Variants in PXYLP1 observed in about 807,000 individuals in gnomAD.
The protein encoded by PXYLP1 is 2-phosphoxylose phosphatase 1.
A neutral mutation model predicts 37.9 loss-of-function variants in PXYLP1; 17 were observed. The ratio of observed to expected loss-of-function variants is 0.45; its 90% CI spans 0.31 to 0.67. The LOEUF (loss-of-function observed/expected upper bound fraction) is 0.67. Ranked by LOEUF, PXYLP1 falls within the 30% of genes least tolerant of loss-of-function variation. PXYLP1 has a pLI of 0.07. For synonymous variants in PXYLP1, 221 were observed against 232.2 expected (o/e 0.95, Z 0.44); for missense variants, 511 against 612.0 (o/e 0.84, Z 1.74).
intron 2 of PXYLP1, chr3:141,273,659 C>T: frequency 2.0e-6 from 2 of 985,316 alleles, no homozygotes; most frequent in African/African-American, 3.5e-5. Context: ...GAAATTGAGA[C>T]CTTGTCGGCA....
rs776662176 is a variant in PXYLP1, at chr3:141,292,342, G to T, written c.580G>T (p.Asp194Tyr). Residue 194 changes from aspartate to tyrosine, a missense_variant, in exon 6 of 6, where the codon GAT becomes TAT. Asp to Tyr is a radical substitution (Grantham distance 160). Transcript: ENST00000286353. The surrounding 1 kb of genome is among the most constrained non-coding windows in gnomAD (Gnocchi z 4.3). ...AAAGAAACACAAACTCCTGCCCAAT[G>T]ATTGGTCTGCAGACCAGCTCTATTT... ...YLKKHKLLPN[D>Y]WSADQLYLET... The T allele has an allele frequency of 1.9e-6, 3 of 1,613,994 alleles. No homozygotes were observed. Among genetic ancestry groups the T allele is most frequent in the East Asian group, 2.2e-5 (1 of 44,880 alleles).
intron 1 of PXYLP1, among the ~76,000 whole-genome samples, chr3:141,248,554 CACACGTGTATATATAT>C (rs1275094548): frequency 7.6e-5 from 11 of 144,822 alleles, no homozygotes; most frequent in African/African-American, 2.9e-4. Flanking sequence ...CGTATATATA[CACACGTGTATATATAT>C]ACACACATGT....
At chr3:141,274,865 T>C (rs1267545942) in intron 2 of PXYLP1, among the ~76,000 whole-genome samples, 1 of 152,132 alleles carries the variant, frequency 6.6e-6, no homozygotes, top group East Asian at 1.9e-4. Flanking sequence ...AGTTACAGTG[T>C]TGGTCAGATT....
intron 4 of PXYLP1, among the ~76,000 whole-genome samples, chr3:141,280,008 AT>A (rs1253625154): frequency 6.6e-6 from 1 of 152,194 alleles, no homozygotes; most frequent in Non-Finnish European, 1.5e-5. Context: ...CACCCTTCTA[AT>A]TTTTCACTGG....
At chr3:141,245,876 A>G (rs1940923031) in intron 1 of PXYLP1, among the ~76,000 whole-genome samples, 1 of 152,198 alleles carries the variant, frequency 6.6e-6, no homozygotes, top group African/African-American at 2.4e-5. Context: ...TGAAAAGTAC[A>G]CAGCTTTGCT....
intron 1 of PXYLP1, among the ~76,000 whole-genome samples, chr3:141,248,921 T>TGTGTG (rs1559882135): frequency 6.6e-6 from 1 of 150,706 alleles, no homozygotes; most frequent in African/African-American, 2.5e-5. Context: ...TGTGTGTGTG[T>TGTGTG]TTTGAGAGCT....
Position 141,293,048 on chromosome 3 carries a change from C to T in PXYLP1, c.1286C>T (p.Thr429Ile). 6 of 1,614,242 alleles carry T rather than the reference C, an allele frequency of 3.7e-6. No homozygotes were observed. The highest frequency in any genetic ancestry group is 5.1e-6 in the Non-Finnish European group (6 of 1,180,044). ...ATTCTTTACAATGGCGTCGATGTCA[C>T]ATTCCACACCTCTTTCTGCCAAGAC... ...VRILYNGVDV[T>I]FHTSFCQDHH... The change falls in exon 6 of 6, where the codon ACA becomes ATA. Residue 429 changes from threonine (T) to isoleucine (I), a missense_variant. Physicochemically the swap from Thr to Ile is moderately conservative, Grantham distance 89. Coordinates refer to ENST00000286353, the MANE Select transcript of PXYLP1 (RefSeq NM_001037172.3).
intron 2 of PXYLP1, chr3:141,262,768 T>C: frequency 7.5e-7 from 1 of 1,334,496 alleles, no homozygotes; most frequent in Non-Finnish European, 1.0e-6. Context: ...AGAAGTGAGT[T>C]TAATTGCTCC....
chr3:141,236,763 T>C (rs886160518), intron 1 of PXYLP1, among the ~76,000 whole-genome samples: 4 of 152,220 alleles, frequency 2.6e-5, no homozygotes, highest in African/African-American at 9.6e-5. Context: ...AAAGTGGCAG[T>C]TGGATTACCG....
At chr3:141,235,989 G>A (rs1431665291) in intron 1 of PXYLP1, among the ~76,000 whole-genome samples, 1 of 152,218 alleles carries the variant, frequency 6.6e-6, no homozygotes, top group Non-Finnish European at 1.5e-5. Context: ...CAGGAGTCTG[G>A]AAGAAGTTAA....
chr3:141,234,847 C>G (rs1940621003), intron 1 of PXYLP1: 1 of 152,238 alleles, frequency 6.6e-6, no homozygotes, highest in Admixed American at 6.5e-5. Context: ...CTGGCTGTCA[C>G]GAACTTATCT....
In PXYLP1 at chr3:141,231,836, C is replaced by T. The variant is rs1940515237; in HGVS notation, c.-129C>T. 6.6e-6 allele frequency: 1 copy of T among 150,564 alleles called. No homozygotes were observed. The highest frequency in any genetic ancestry group is 2.4e-5 in the African/African-American group (1 of 41,228). The allele number at this position is 150,564 out of a possible 1,614,324, so 9.3% of individuals were successfully genotyped here. Reference sequence around the variant, plus strand: ...TGCGCGCCGCCCTCGCCTCCCCTCGCGCCGGGAGGAGCTGGCGGCGAGCGC... The same window carrying T: ...TGCGCGCCGCCCTCGCCTCCCCTCGTGCCGGGAGGAGCTGGCGGCGAGCGC... On this transcript the variant is annotated 5_prime_UTR_variant, in exon 1 of 6. Coordinates refer to ENST00000286353, the MANE Select transcript of PXYLP1 (RefSeq NM_001037172.3). This position sits in a 1 kb window ranked among gnomAD's most constrained non-coding sequence, Gnocchi z 4.4.
In PXYLP1 at chr3:141,260,137, T is replaced by A; in HGVS notation, c.-39T>A. On this transcript the variant is annotated 5_prime_UTR_variant, in exon 2 of 6. In the 5' UTR this introduces an upstream ATG that the reference lacks. Coordinates refer to ENST00000286353, the MANE Select transcript of PXYLP1 (RefSeq NM_001037172.3). Reference sequence around the variant, plus strand: ...TTTATTCACAGGACATGTTCCCGATTTGAGGTGAAACCATGAAGAGAAAAT... The same window carrying A: ...TTTATTCACAGGACATGTTCCCGATATGAGGTGAAACCATGAAGAGAAAAT... 1 of 1,611,122 alleles carries A rather than the reference T, an allele frequency of 6.2e-7. No individual in the cohort carries two copies. The highest frequency in any genetic ancestry group is 8.5e-7 in the Non-Finnish European group (1 of 1,177,630).
chr3:141,239,936 A>G (rs1007207593), intron 1 of PXYLP1, among the ~76,000 whole-genome samples: 3 of 152,250 alleles, frequency 2.0e-5, no homozygotes, highest in Non-Finnish European at 2.9e-5. Context: ...ACAGGCCTCA[A>G]TAAAAGTTGG....
In PXYLP1 at chr3:141,292,052, G is replaced by C. The variant is rs1019154649; in HGVS notation, c.506-216G>C. Among the ~76,000 whole-genome samples the C allele has an allele frequency of 2.6e-5, 4 of 152,234 alleles. No homozygotes were observed. The highest frequency in any genetic ancestry group is 9.6e-5 in the African/African-American group (4 of 41,466). On this transcript the variant is annotated intron_variant, in intron 5 of 5. Transcript: ENST00000286353. This position sits in a 1 kb window ranked among gnomAD's most constrained non-coding sequence, Gnocchi z 4.3. ...CCAAAGGCCGTGGTTCTCAAGGCCA[G>C]GGCCCCGCTCTGCTCATCCTTCATG...
intron 4 of PXYLP1, among the ~76,000 whole-genome samples, chr3:141,280,670 C>A (rs78019878): frequency 1.6e-3 from 240 of 152,230 alleles, no homozygotes; most frequent in African/African-American, 5.5e-3. Context: ...GTGAAGGGGA[C>A]CCTCTCTAGG....
Position 141,239,012 on chromosome 3 carries a change from G to A in PXYLP1, c.-54+7101G>A, listed in dbSNP as rs540584698. Among the ~76,000 whole-genome samples the A allele has an allele frequency of 6.0e-5, 9 of 151,098 alleles. No individual in the cohort carries two copies. In the South Asian group the frequency reaches 6.3e-4, roughly 11 times the overall value. ...AAGTCGACCTGCTCAGTTCAAATCC[G>A]TGTTGTTCAAGGGTAGACCTATGTC... On this transcript the variant is annotated intron_variant, in intron 1 of 5. Coordinates refer to ENST00000286353, the MANE Select transcript of PXYLP1 (RefSeq NM_001037172.3).
intron 2 of PXYLP1, among the ~76,000 whole-genome samples, chr3:141,277,862 T>G (rs1941835510): frequency 1.3e-5 from 2 of 152,188 alleles, no homozygotes; most frequent in Non-Finnish European, 2.9e-5. Flanking sequence ...TTCTGTAAAG[T>G]GCTCTCATGG....
intron 2 of PXYLP1, among the ~76,000 whole-genome samples, chr3:141,276,391 T>C (rs992936267): frequency 6.6e-6 from 1 of 152,222 alleles, no homozygotes; most frequent in Non-Finnish European, 1.5e-5. Context: ...CCCTGTATAT[T>C]TATGCATTTA....
Sources: allele counts gnomAD v4.1 joint callset (sites outside exome capture counted in the v4.1 genomes callset), GRCh38; gene constraint gnomAD v4.1.1; non-coding constraint Gnocchi (gnomAD v3.1); transcripts MANE v1.5; gene names NCBI Gene and HGNC (gene_info 2026-07-23, HGNC 2026-07-21).